Variants in SGCZ observed in about 807,000 individuals in gnomAD.
SGCZ encodes the protein sarcoglycan zeta.
SGCZ carries 40 observed loss-of-function variants against 41.3 expected under a neutral mutation model. That is an observed-to-expected ratio of 0.97 (90% CI 0.75 to 1.26). The LOEUF (loss-of-function observed/expected upper bound fraction) is 1.26. SGCZ is among the 50% of genes most tolerant of loss of function. SGCZ has a pLI of 0.00. For synonymous variants in SGCZ, 206 were observed against 137.5 expected (o/e 1.50, Z -3.49); for missense variants, 552 against 369.8 (o/e 1.49, Z -4.04).
At chr8:14,390,619 T>C (rs1023042310) in intron 2 of SGCZ, among the ~76,000 whole-genome samples, 8 of 151,954 alleles carry the variant, frequency 5.3e-5, no homozygotes, top group Non-Finnish European at 8.8e-5. Context: ...GTATGGCATG[T>C]AGATTTTACT....
intron 2 of SGCZ, among the ~76,000 whole-genome samples, chr8:14,551,551 A>AATATATATTATATATAATATATATT (rs1803848230): frequency 3.9e-5 from 1 of 25,958 alleles, no homozygotes; most frequent in African/African-American, 1.7e-4. Flanking sequence ...TAATATATAT[A>AATATATATTATATATAATATATATT]ATATATATTA....
intron 5 of SGCZ, among the ~76,000 whole-genome samples, chr8:14,145,960 G>A (rs965185529): frequency 7.2e-5 from 11 of 152,202 alleles, no homozygotes; most frequent in African/African-American, 2.2e-4. Flanking sequence ...AGCCTCCAAT[G>A]GGTAAATCTA....
chr8:15,204,567 T>G (rs1801001297), intron 1 of SGCZ, among the ~76,000 whole-genome samples: 1 of 152,190 alleles, frequency 6.6e-6, no homozygotes, highest in East Asian at 1.9e-4. Context: ...AGCTTTCTTG[T>G]GAAGTCTTTC....
intron 1 of SGCZ, among the ~76,000 whole-genome samples, chr8:15,071,755 T>C (rs1805357219): frequency 6.6e-6 from 1 of 152,020 alleles, no homozygotes; most frequent in South Asian, 2.1e-4. Context: ...CATAATCAGA[T>C]GGGTAGTCGG....
intron 1 of SGCZ, among the ~76,000 whole-genome samples, chr8:14,921,818 G>T (rs1315554092): frequency 6.6e-6 from 1 of 151,988 alleles, no homozygotes; most frequent in Non-Finnish European, 1.5e-5. Context: ...TTCAATTAAT[G>T]GCGACTTTAG....
intron 1 of SGCZ, among the ~76,000 whole-genome samples, chr8:14,644,519 G>A (rs1422013938): frequency 6.6e-6 from 1 of 151,626 alleles, no homozygotes; most frequent in African/African-American, 2.4e-5. Flanking sequence ...ATTTATCTTT[G>A]TCTCTCTTTA....
At chr8:15,100,802 G>T (rs1355462390) in intron 1 of SGCZ, among the ~76,000 whole-genome samples, 1 of 152,104 alleles carries the variant, frequency 6.6e-6, no homozygotes, top group Non-Finnish European at 1.5e-5. Context: ...GGGCAATGAA[G>T]TGAGACCCTG....
rs544793415 is a variant in SGCZ at position 15,085,944 on chromosome 8, C to G, written c.39+151641G>C. ...ACAAAATGTGGGTTTCTGATGTTCCCTTTATCTGCTGTTCCGGAATGGAAT... is the reference window on the plus strand; with the variant it reads ...ACAAAATGTGGGTTTCTGATGTTCCGTTTATCTGCTGTTCCGGAATGGAAT... On this transcript the variant is annotated intron_variant, in intron 1 of 7. Transcript: ENST00000382080. Among the ~76,000 whole-genome samples the G allele has an allele frequency of 9.2e-5, 14 of 152,254 alleles. 1 individual carries two copies. The East Asian group carries it at 2.7e-3, about 29-fold the overall frequency.
At chr8:14,682,882 T>G (rs190890439) in intron 1 of SGCZ, among the ~76,000 whole-genome samples, 154 of 152,318 alleles carry the variant, frequency 1.0e-3, no homozygotes, top group Admixed American at 8.4e-3. Flanking sequence ...TTCAGTATTG[T>G]TTAACCTTTT....
In SGCZ at chr8:14,442,743, T is replaced by A. The variant is rs549348404; in HGVS notation, c.234+111989A>T. 2.6e-5 allele frequency among the ~76,000 whole-genome samples: 4 copies of A among 152,328 alleles called. No homozygotes were observed. In the South Asian group the frequency reaches 8.3e-4, roughly 32 times the overall value. On this transcript the variant is annotated intron_variant, in intron 2 of 7. Transcript: ENST00000382080. Reference sequence around the variant, plus strand: ...TCCAACATCTTCTGATTTGTTTCATTGATTGACCTTAGGTTTTGGCTCTTC... The same window carrying A: ...TCCAACATCTTCTGATTTGTTTCATAGATTGACCTTAGGTTTTGGCTCTTC...
chr8:14,807,100 A>G (rs1176617910), intron 1 of SGCZ, among the ~76,000 whole-genome samples: 2 of 151,990 alleles, frequency 1.3e-5, no homozygotes, highest in Admixed American at 6.6e-5. Flanking sequence ...AGAGCTATCT[A>G]TGACAAACCC....
chr8:14,412,915 A>G (rs1375624938), intron 2 of SGCZ, among the ~76,000 whole-genome samples: 1 of 152,046 alleles, frequency 6.6e-6, no homozygotes, highest in Non-Finnish European at 1.5e-5. Context: ...CTATTCAAGT[A>G]GCATTTAAAT....
chr8:14,648,132 A>T (rs1050217017), intron 1 of SGCZ, among the ~76,000 whole-genome samples: 4 of 152,222 alleles, frequency 2.6e-5, no homozygotes, highest in African/African-American at 9.6e-5. Context: ...CTTAAAAGTT[A>T]AAAGTATATT....
chr8:14,485,251 T>C (rs1338606001), intron 2 of SGCZ, among the ~76,000 whole-genome samples: 1 of 152,182 alleles, frequency 6.6e-6, no homozygotes, highest in Non-Finnish European at 1.5e-5. Flanking sequence ...CCAGAATTTT[T>C]CTTTTTCTCC....
intron 2 of SGCZ, among the ~76,000 whole-genome samples, chr8:14,428,533 G>A (rs543971023): frequency 1.3e-5 from 2 of 152,206 alleles, no homozygotes; most frequent in African/African-American, 2.4e-5. Flanking sequence ...TTTTACTAAC[G>A]ATTGGTTATG....
At chr8:14,456,854 T>A (rs765167729) in intron 2 of SGCZ, among the ~76,000 whole-genome samples, 6 of 152,120 alleles carry the variant, frequency 3.9e-5, no homozygotes, top group African/African-American at 7.2e-5. Context: ...TGAGTTCTCA[T>A]AAGATCTGGT....
At chr8:15,181,172 C>G (rs569789420) in intron 1 of SGCZ, among the ~76,000 whole-genome samples, 2 of 151,998 alleles carry the variant, frequency 1.3e-5, no homozygotes, top group African/African-American at 4.8e-5. Flanking sequence ...ACAATTTTTA[C>G]AGGAAAAATG....
chr8:14,656,370 T>C (rs1019978661), intron 1 of SGCZ, among the ~76,000 whole-genome samples: 3 of 151,386 alleles, frequency 2.0e-5, no homozygotes, highest in African/African-American at 7.3e-5. Context: ...TCCTTTTCTT[T>C]TCGTTTTTTC....
At position 14,847,812 on chromosome 8, in the gene SGCZ, G is replaced by A. The variant is rs933069327; in HGVS notation, c.40-292886C>T. ...GTAAAAAAAAAAAAAAAAAAAACCT[G>A]ACTGTTTTCTCTCTAATATCACAAG... On this transcript the variant is annotated intron_variant, in intron 1 of 7. Coordinates refer to ENST00000382080, the MANE Select transcript of SGCZ (RefSeq NM_139167.4). Among the ~76,000 whole-genome samples, 264 of 142,376 alleles carry A rather than the reference G, an allele frequency of 1.9e-3. 1 individual carries two copies. The highest frequency in any genetic ancestry group is 3.7e-3 in the Middle Eastern group (1 of 268). 93.4% of individuals were successfully genotyped at this position (142,376 alleles called of 152,430 possible). A position where few individuals can be genotyped will look rare whatever the true frequency, so the allele number is the denominator to read the frequency against.
Sources: allele counts gnomAD v4.1 joint callset (sites outside exome capture counted in the v4.1 genomes callset), GRCh38; gene constraint gnomAD v4.1.1; transcripts MANE v1.5; gene names NCBI Gene and HGNC (gene_info 2026-07-23, HGNC 2026-07-21).